The following FRMD5 variants were observed in gnomAD, a reference collection of about 807,000 sequenced individuals.
FRMD5 encodes the protein FERM domain-containing protein 5.
A neutral mutation model predicts 69.0 loss-of-function variants in FRMD5; 20 were observed. The ratio of observed to expected loss-of-function variants is 0.29; its 90% confidence interval spans 0.20 to 0.42. The LOEUF (loss-of-function observed/expected upper bound fraction) is 0.42, where lower values mean the gene tolerates loss of function less well. Ranked by LOEUF, FRMD5 falls within the 10% of genes least tolerant of loss-of-function variation. The pLI, the probability that FRMD5 is intolerant of heterozygous loss-of-function variation, is 1.00. For missense variants in FRMD5, 595 were observed against 708.6 expected (o/e 0.84, Z 1.82); for synonymous variants, 271 against 260.1 (o/e 1.04, Z -0.40).
intron 1 of FRMD5, among the ~76,000 whole-genome samples, chr15:44,068,857 T>C (rs1893417232): frequency 6.6e-6 from 1 of 152,140 alleles, no homozygotes; most frequent in Non-Finnish European, 1.5e-5. Context: ...CAACACATCA[T>C]AGAAGTCAGA....
chr15:43,905,135 CTTTT>C (rs746667752), intron 6 of FRMD5, among the ~76,000 whole-genome samples: 11 of 137,266 alleles, frequency 8.0e-5, no homozygotes, highest in Admixed American at 2.2e-4. Flanking sequence ...TCAACCTCTC[CTTTT>C]TTTTTTTTTT....
intron 1 of FRMD5, among the ~76,000 whole-genome samples, chr15:44,108,830 A>G (rs2076756872): frequency 6.6e-6 from 1 of 151,728 alleles, no homozygotes; most frequent in South Asian, 2.1e-4. Context: ...GCATGGTGGC[A>G]CAAGCCTGTA....
At chr15:43,899,675 G>A (rs913279145) in intron 7 of FRMD5, among the ~76,000 whole-genome samples, 28 of 152,194 alleles carry the variant, frequency 1.8e-4, no homozygotes, top group African/African-American at 6.8e-4. Flanking sequence ...TCCAGGAGTT[G>A]ATGCTATGGG....
intron 1 of FRMD5, among the ~76,000 whole-genome samples, chr15:44,107,090 G>A (rs2076730609): frequency 6.6e-6 from 1 of 152,104 alleles, no homozygotes; most frequent in South Asian, 2.1e-4. Flanking sequence ...ACCACCCAGG[G>A]CCCCAGCACA....
intron 1 of FRMD5, among the ~76,000 whole-genome samples, chr15:44,183,138 C>T (rs1452147932): frequency 6.6e-6 from 1 of 152,092 alleles, no homozygotes; most frequent in East Asian, 1.9e-4. Flanking sequence ...ATAAGTCCCC[C>T]AAGGCACTGC....
chr15:44,174,467 C>T (rs894198195), intron 1 of FRMD5, among the ~76,000 whole-genome samples: 11 of 152,150 alleles, frequency 7.2e-5, no homozygotes, highest in African/African-American at 2.2e-4. Flanking sequence ...TAACCTCTGA[C>T]AGTTGTGCCA....
chr15:44,119,160 C>T (rs2076911730), intron 1 of FRMD5, among the ~76,000 whole-genome samples: 1 of 152,026 alleles, frequency 6.6e-6, no homozygotes, highest in Non-Finnish European at 1.5e-5. Context: ...TCTTACCATG[C>T]TGCCCAAGCT....
chr15:43,969,046 T>C (rs2090336896), intron 1 of FRMD5, among the ~76,000 whole-genome samples: 1 of 152,116 alleles, frequency 6.6e-6, no homozygotes, highest in Non-Finnish European at 1.5e-5. Flanking sequence ...AAGAAAATAG[T>C]TTGTTACTGG....
At chr15:43,875,969 TC>T in intron 13 of FRMD5, 2 of 1,385,238 alleles carry the variant, frequency 1.4e-6, no homozygotes, top group Non-Finnish European at 2.1e-6. Flanking sequence ...CTTGAAATGG[TC>T]CCACCATGGA....
At chr15:43,980,166 G>A (rs1050098486) in intron 1 of FRMD5, among the ~76,000 whole-genome samples, 10 of 152,082 alleles carry the variant, frequency 6.6e-5, no homozygotes, top group Admixed American at 6.5e-5. Context: ...AGGTATTCAG[G>A]CCCTATAAAG....
At chr15:44,169,078 T>C (rs1471424874) in intron 1 of FRMD5, among the ~76,000 whole-genome samples, 1 of 152,244 alleles carries the variant, frequency 6.6e-6, no homozygotes, top group Admixed American at 6.5e-5. Flanking sequence ...TTTTATTCAG[T>C]AGAAGCTGGT....
At chr15:43,988,522 G>C (rs1889510130) in intron 1 of FRMD5, among the ~76,000 whole-genome samples, 1 of 151,970 alleles carries the variant, frequency 6.6e-6, no homozygotes, top group Middle Eastern at 3.2e-3. Context: ...CAGTGTACAG[G>C]TATGCCCTGG....
chr15:43,938,032 C>A (rs569859845), intron 1 of FRMD5, among the ~76,000 whole-genome samples: 1 of 151,944 alleles, frequency 6.6e-6, no homozygotes, highest in South Asian at 2.1e-4. Flanking sequence ...CTTTGGGAGG[C>A]CATCCTGGCT....
At chr15:44,160,466 C>G (rs1157418004) in intron 1 of FRMD5, among the ~76,000 whole-genome samples, 2 of 152,152 alleles carry the variant, frequency 1.3e-5, no homozygotes, top group Non-Finnish European at 2.9e-5. Context: ...CAAATGGAAC[C>G]TCTTGTATGA....
chr15:44,078,869 A>G (rs1424089601), intron 1 of FRMD5, among the ~76,000 whole-genome samples: 9 of 152,148 alleles, frequency 5.9e-5, no homozygotes. Flanking sequence ...ATGCCATTAG[A>G]TTTGGAAATT....
intron 4 of FRMD5, among the ~76,000 whole-genome samples, chr15:43,910,572 CAAAAAAAAAAAAAAAA>C (rs1167867396): frequency 2.5e-5 from 1 of 40,354 alleles, no homozygotes; most frequent in Admixed American, 2.8e-4. Context: ...GACCTTGTCT[CAAAAAAAAAAAAAAAA>C]AAAAAAAAAA....
chr15:43,887,915 G>A (rs1289620620), intron 10 of FRMD5, among the ~76,000 whole-genome samples: 7 of 152,214 alleles, frequency 4.6e-5, no homozygotes, highest in Non-Finnish European at 1.0e-4. Flanking sequence ...CCCTCAGTGG[G>A]CCATTTCTTC....
intron 7 of FRMD5, among the ~76,000 whole-genome samples, chr15:43,898,013 T>C (rs916382053): frequency 6.6e-6 from 1 of 152,258 alleles, no homozygotes; most frequent in African/African-American, 2.4e-5. Flanking sequence ...TTTGGAACTA[T>C]GAGTCAATTA....
At chr15:44,160,044 T>A (rs1229690045) in intron 1 of FRMD5, among the ~76,000 whole-genome samples, 1 of 152,196 alleles carries the variant, frequency 6.6e-6, no homozygotes, top group Non-Finnish European at 1.5e-5. Flanking sequence ...CTGCTGACAT[T>A]TAGTTCTCAT....
Sources: gnomAD v4.1 joint callset for allele counts (sites outside exome capture counted in the v4.1 genomes callset) on GRCh38, gnomAD v4.1.1 for gene constraint, MANE v1.5 for transcripts, NCBI Gene and HGNC (gene_info 2026-07-23, HGNC 2026-07-21) for gene names.